The following NPHP3 variants were observed in gnomAD, a reference collection of about 807,000 sequenced individuals.
NPHP3 encodes nephrocystin-3.
A neutral mutation model predicts 171.9 loss-of-function variants in NPHP3; 123 were observed. The ratio of observed to expected loss-of-function variants is 0.72; its 90% CI spans 0.62 to 0.83. NPHP3 has a LOEUF of 0.83. Among genes scored for constraint, NPHP3 ranks in the 40% least tolerant of loss-of-function variants. NPHP3 has a pLI of 0.00. For missense variants in NPHP3, 1,506 were observed against 1,591.9 expected, an observed-to-expected ratio of 0.95 and a Z score of 0.92; for synonymous variants, 558 against 579.2, an observed-to-expected ratio of 0.96 and a Z score of 0.52.
At chr3:132,718,711 G>T (rs893051804) in intron 3 of NPHP3, among the ~76,000 whole-genome samples, 1 of 152,188 alleles carries the variant, frequency 6.6e-6, no homozygotes, top group Non-Finnish European at 1.5e-5. Flanking sequence ...CAGATGTGCT[G>T]GTGGGAGCTG....
Position 132,682,019 on chromosome 3 carries a change from G to A in NPHP3, c.3884C>T (p.Thr1295Ile). 1.9e-6 allele frequency: 3 copies of A among 1,613,998 alleles called. No individual in the cohort carries two copies. Among genetic ancestry groups the A allele is most frequent in the Non-Finnish European group, 2.5e-6 (3 of 1,179,870 alleles). The part of the protein sequence containing the change: ...KRAMEIKEAE[T>I]SLLGGKAPSR... ...AGGAGCTTTTCCACCCAAGAGTGATGTTTCTGCTTCTTTTATTTCCATTGC... is the reference window on the plus strand; with the variant it reads ...AGGAGCTTTTCCACCCAAGAGTGATATTTCTGCTTCTTTTATTTCCATTGC... The change falls in exon 27 of 27, where the codon ACA becomes ATA. Residue 1295 changes from threonine to isoleucine, a missense_variant. Physicochemically the swap from Thr to Ile is moderately conservative, Grantham distance 89. Transcript: ENST00000337331.
At chr3:132,689,023 A>G (rs748704911) in intron 20 of NPHP3, 51 bp downstream of exon 20, 5 of 1,612,660 alleles carry the variant, frequency 3.1e-6, no homozygotes, top group Non-Finnish European at 8.5e-7. Context: ...GAGAAGAGTG[A>G]ACACAAAAAT....
intron 8 of NPHP3, 76 bp downstream of exon 8, chr3:132,705,664 T>C: frequency 1.2e-6 from 1 of 825,128 alleles, no homozygotes; most frequent in Non-Finnish European, 2.0e-6. Flanking sequence ...CAAGTGGTTT[T>C]CTCTGGAAAA....
At chr3:132,696,642 A>G in intron 15 of NPHP3, 89 bp downstream of exon 15, 3 of 1,089,928 alleles carry the variant, frequency 2.8e-6, no homozygotes, top group East Asian at 4.7e-5. Flanking sequence ...AGACTGGTGT[A>G]GTGATCAGTT....
At chr3:132,689,333 G>A in intron 19 of NPHP3, 70 bp from the exon 20 acceptor site, 1 of 1,495,682 alleles carries the variant, frequency 6.7e-7, no homozygotes, top group Non-Finnish European at 9.3e-7. Flanking sequence ...CAAAACTCCA[G>A]AATTAATATC....
In NPHP3 at chr3:132,721,956, G is replaced by C. The variant is rs764568785; in HGVS notation, c.393+7C>G. Reference sequence around the variant, plus strand: ...TCTCCCGGCGTCGCGGCCCAGCCCGGCGTTACCTGCAGTTCGGCCCGCAGC... The same window carrying C: ...TCTCCCGGCGTCGCGGCCCAGCCCGCCGTTACCTGCAGTTCGGCCCGCAGC... On this transcript the variant is annotated splice_region_variant and intron_variant, in intron 1 of 26. Coordinates refer to ENST00000337331, the MANE Select transcript of NPHP3 (RefSeq NM_153240.5). 1 of 1,612,128 alleles carries C rather than the reference G, an allele frequency of 6.2e-7. No individual in the cohort carries two copies. The highest frequency in any genetic ancestry group is 1.3e-5 in the African/African-American group (1 of 75,054).
Position 132,689,414 on chromosome 3 carries a change from A to AT in NPHP3, c.2694-152dup. On this transcript the variant is annotated intron_variant, in intron 19 of 26. Coordinates refer to ENST00000337331, the MANE Select transcript of NPHP3 (RefSeq NM_153240.5). ...AAGACTCAGACCACTCACTATCTGA[A>AT]TTCCACCACTATCCTAGCTATGTAA... The AT allele has an allele frequency of 3.8e-6, 3 of 790,928 alleles. No individual in the cohort carries two copies. The South Asian group carries it at 4.6e-5, about 12-fold the overall frequency. The allele number at this position is 790,928 out of a possible 1,614,324, so 49.0% of individuals were successfully genotyped here.
At chr3:132,700,481 G>A (rs371511867) in intron 10 of NPHP3, 33 bp from the exon 11 acceptor site, 9 of 1,316,274 alleles carry the variant, frequency 6.8e-6, no homozygotes, top group Admixed American at 3.5e-5. Flanking sequence ...TTATAAAACC[G>A]ATAAAGTTCC....
intron 14 of NPHP3, among the ~76,000 whole-genome samples, chr3:132,697,025 G>C (rs1038303024): frequency 1.3e-5 from 2 of 152,140 alleles, no homozygotes; most frequent in African/African-American, 4.8e-5. Flanking sequence ...ATGCTCTTTT[G>C]CTTTTAAAAT....
In NPHP3 at chr3:132,705,638, T is replaced by C. The variant is rs986663999; in HGVS notation, c.1350+102A>G. The C allele has an allele frequency of 6.0e-6, 4 of 666,994 alleles. No homozygotes were observed. The African/African-American group carries it at 7.2e-5, about 12-fold the overall frequency. The allele number at this position is 666,994 out of a possible 1,614,324, so 41.3% of individuals were successfully genotyped here. ...ACAACAGCGCCTTCCTCAGGTACTGTGTTCAAAAAGACAAGCAAGTGGTTT... is the reference window on the plus strand; with the variant it reads ...ACAACAGCGCCTTCCTCAGGTACTGCGTTCAAAAAGACAAGCAAGTGGTTT... On this transcript the variant is annotated intron_variant, in intron 8 of 26. Transcript: ENST00000337331.
rs75834012 is a variant in NPHP3 at position 132,708,732 on chromosome 3, A to G, written c.1119-475T>C. ...AGCCAGGCTCCTGCACTGCTTTTCC[A>G]GGAGTTCTTTTTAATGCCTTTAATT... On this transcript the variant is annotated intron_variant, in intron 6 of 26. Coordinates refer to ENST00000337331, the MANE Select transcript of NPHP3 (RefSeq NM_153240.5). 5.7e-3 allele frequency among the ~76,000 whole-genome samples: 862 copies of G among 152,286 alleles called. 7 individuals carry two copies. The highest frequency in any genetic ancestry group is 0.019 in the African/African-American group (805 of 41,556).
Position 132,683,593 on chromosome 3 carries a change from ATAAG to A in NPHP3, c.3571-73_3571-70del, listed in dbSNP as rs201862851. On this transcript the variant is annotated intron_variant, in intron 24 of 26. Transcript: ENST00000337331. Reference sequence around the variant, plus strand: ...ATACTATCTTATCAGAGCTTTTTCCATAAGTAAAATTTCATATTAAAGGGTAATT... The same window carrying A: ...ATACTATCTTATCAGAGCTTTTTCCATAAAATTTCATATTAAAGGGTAATT... The A allele has an allele frequency of 5.9e-3, 7,758 of 1,306,362 alleles. 41 individuals carry two copies. The highest frequency in any genetic ancestry group is 6.8e-3 in the Non-Finnish European group (6,305 of 927,044). The allele number at this position is 1,306,362 out of a possible 1,614,324, so 80.9% of individuals were successfully genotyped here.
chr3:132,714,586 G>GT (rs1939999304), intron 5 of NPHP3, among the ~76,000 whole-genome samples: 2 of 151,762 alleles, frequency 1.3e-5, no homozygotes, highest in South Asian at 4.1e-4. Flanking sequence ...TAAATTAGCC[G>GT]TATGTGGTGG....
chr3:132,695,531 T>C (rs1006088049), intron 15 of NPHP3, among the ~76,000 whole-genome samples: 2 of 152,202 alleles, frequency 1.3e-5, no homozygotes, highest in Admixed American at 6.5e-5. Context: ...ATGAACATTA[T>C]TAAATGTATG....
chr3:132,682,428 C>G, intron 26 of NPHP3: 1 of 553,998 alleles, frequency 1.8e-6, no homozygotes, highest in Non-Finnish European at 3.2e-6. Context: ...ACTCTGGGGA[C>G]AGCAAATTAC....
chr3:132,714,494 G>A (rs1348714036), intron 5 of NPHP3, among the ~76,000 whole-genome samples: 12 of 148,530 alleles, frequency 8.1e-5, no homozygotes. Context: ...ACATTGTGGA[G>A]AATATGCAAT....
At chr3:132,710,143 A>G (rs1939869249) in intron 6 of NPHP3, among the ~76,000 whole-genome samples, 1 of 152,232 alleles carries the variant, frequency 6.6e-6, no homozygotes, top group Non-Finnish European at 1.5e-5. Context: ...TAATATGTTG[A>G]TAAGTTGCAC....
chr3:132,694,834 A>C lies in NPHP3; in HGVS notation c.2303T>G (p.Met768Arg). Reference protein sequence around the residue: ...SMANDVDKELMKQILCLVNVS... With the variant: ...SMANDVDKELRKQILCLVNVS... ...AAGTTTATTACATTCTACCTGCTTC[A>C]TTAGCTCTTTATCCACATCATTTGC... The change falls in exon 16 of 27, where the codon ATG (methionine) becomes AGG (arginine). Residue 768 changes from methionine to arginine, a missense_variant. Physicochemically the swap from Met to Arg is moderately conservative, Grantham distance 91. This residue lies in a region of NPHP3 where 930 missense variants were observed against 924.9 expected (regional missense o/e 1.01). Coordinates refer to ENST00000337331, the MANE Select transcript of NPHP3 (RefSeq NM_153240.5). 6.2e-7 allele frequency: 1 copy of C among 1,613,378 alleles called. No individual in the cohort carries two copies. Among genetic ancestry groups the C allele is most frequent in the Non-Finnish European group, 8.5e-7 (1 of 1,179,928 alleles).
intron 6 of NPHP3, 57 bp from the exon 7 acceptor site, chr3:132,708,314 G>C: frequency 3.2e-6 from 5 of 1,540,532 alleles, no homozygotes; most frequent in Non-Finnish European, 4.5e-6. Flanking sequence ...CAAGCAGTTA[G>C]TTAATCAACC....
Sources: allele counts gnomAD v4.1 joint callset (sites outside exome capture counted in the v4.1 genomes callset), GRCh38; gene constraint gnomAD v4.1.1; regional missense constraint gnomAD v4.1.1; transcripts MANE v1.5; gene names NCBI Gene and HGNC (gene_info 2026-07-23, HGNC 2026-07-21).